The following VAT1L variants were observed in gnomAD, a reference collection of about 807,000 sequenced individuals.
VAT1L encodes the protein vesicle amine transport 1 like, also known as putative NADPH-dependent quinone oxidoreductase VAT1L.
VAT1L carries 34 observed loss-of-function variants against 44.1 expected under a neutral mutation model. That is an observed-to-expected ratio of 0.77 (90% CI 0.59 to 1.03). The LOEUF (loss-of-function observed/expected upper bound fraction) is 1.03, where lower values mean the gene tolerates loss of function less well. Ranked by LOEUF, VAT1L falls within the 50% of genes least tolerant of loss-of-function variation. VAT1L has a pLI of 0.00. For synonymous variants in VAT1L, 253 were observed against 202.2 expected (o/e 1.25, Z -2.13); for missense variants, 615 against 538.8 (o/e 1.14, Z -1.40).
chr16:77,826,300 ATC>A (rs1472271641), intron 3 of VAT1L, among the ~76,000 whole-genome samples: 37 of 152,284 alleles, frequency 2.4e-4, no homozygotes, highest in Admixed American at 2.4e-3. Context: ...CTCACAAGTC[ATC>A]TACTACTGCT....
chr16:77,795,813 CTTT>C (rs56725954), intron 1 of VAT1L, among the ~76,000 whole-genome samples: 142 of 100,574 alleles, frequency 1.4e-3, no homozygotes, highest in African/African-American at 5.2e-3. Context: ...CCTTTTTTCT[CTTT>C]TTTTTTTTTT....
intron 7 of VAT1L, among the ~76,000 whole-genome samples, chr16:77,948,699 C>A (rs992915627): frequency 6.6e-6 from 1 of 152,072 alleles, no homozygotes; most frequent in African/African-American, 2.4e-5. Flanking sequence ...TAAAGTAAAT[C>A]CCAGACATAA....
At chr16:77,874,453 C>T (rs532848132) in intron 4 of VAT1L, among the ~76,000 whole-genome samples, 18 of 122,634 alleles carry the variant, frequency 1.5e-4, no homozygotes, top group Admixed American at 1.2e-3. Context: ...CTCCCACCTG[C>T]CTCTCCAGCC....
intron 4 of VAT1L, among the ~76,000 whole-genome samples, chr16:77,870,375 G>C (rs1008060690): frequency 2.0e-5 from 3 of 152,240 alleles, no homozygotes; most frequent in Non-Finnish European, 2.9e-5. Flanking sequence ...AGAAAACAGA[G>C]TGGAGAGCCA....
At chr16:77,955,965 T>A (rs1054071947) in intron 7 of VAT1L, among the ~76,000 whole-genome samples, 1 of 152,156 alleles carries the variant, frequency 6.6e-6, no homozygotes, top group African/African-American at 2.4e-5. Context: ...TTTCTCTGTA[T>A]CCACTGTTTA....
intron 7 of VAT1L, among the ~76,000 whole-genome samples, chr16:77,896,889 G>A (rs987337100): frequency 1.3e-5 from 2 of 152,178 alleles, no homozygotes; most frequent in Non-Finnish European, 2.9e-5. Flanking sequence ...TTCCTTGTGA[G>A]CCAGGGACAG....
At chr16:77,813,000 T>G (rs969167329) in intron 1 of VAT1L, among the ~76,000 whole-genome samples, 1 of 152,106 alleles carries the variant, frequency 6.6e-6, no homozygotes, top group Non-Finnish European at 1.5e-5. Flanking sequence ...TCTGAAATGT[T>G]TAAGAGCTGT....
chr16:77,890,068 C>A (rs773480153), intron 7 of VAT1L, among the ~76,000 whole-genome samples: 1 of 152,116 alleles, frequency 6.6e-6, no homozygotes, highest in Non-Finnish European at 1.5e-5. Flanking sequence ...GCCTGGGCAA[C>A]AGAGCAAGAC....
At chr16:77,851,700 C>T (rs116732576) in intron 3 of VAT1L, among the ~76,000 whole-genome samples, 2,484 of 152,024 alleles carry the variant, frequency 0.016, 67 homozygotes, top group African/African-American at 0.058. Flanking sequence ...TATAATCTAC[C>T]GAGCATCCAC....
At chr16:77,845,961 T>A (rs963197428) in intron 3 of VAT1L, among the ~76,000 whole-genome samples, 1 of 152,196 alleles carries the variant, frequency 6.6e-6, no homozygotes, top group Non-Finnish European at 1.5e-5. Flanking sequence ...CAGGCACTAA[T>A]GTGTGCAATT....
At chr16:77,830,182 G>A (rs1238655837) in intron 3 of VAT1L, among the ~76,000 whole-genome samples, 1 of 152,052 alleles carries the variant, frequency 6.6e-6, no homozygotes, top group Non-Finnish European at 1.5e-5. Flanking sequence ...TTTATCTTAT[G>A]GTGTACTCCT....
chr16:77,879,257 T>G lies in VAT1L; in HGVS notation c.882+33T>G. The G allele has an allele frequency of 1.2e-6, 2 of 1,605,894 alleles. No individual in the cohort carries two copies. Among genetic ancestry groups the G allele is most frequent in the African/African-American group, 1.3e-5 (1 of 74,828 alleles). On this transcript the variant is annotated intron_variant, in intron 6 of 8. Coordinates refer to ENST00000302536, the MANE Select transcript of VAT1L (RefSeq NM_020927.3). The surrounding 1 kb of genome is among the most constrained non-coding windows in gnomAD (Gnocchi z 4.1). ...TCCAGGCACATCTGATGTACTGTGG[T>G]GGCATGTTGATTCACATGTTGAGAG... is the stretch of plus-strand genomic sequence containing the variant.
At chr16:77,952,493 T>C (rs1360948444) in intron 7 of VAT1L, among the ~76,000 whole-genome samples, 2 of 151,832 alleles carry the variant, frequency 1.3e-5, no homozygotes, top group Non-Finnish European at 2.9e-5. Flanking sequence ...GCTTTTGCCA[T>C]GTGACATGCC....
chr16:77,845,300 CGCAT>C (rs2016747372), intron 3 of VAT1L, among the ~76,000 whole-genome samples: 1 of 152,136 alleles, frequency 6.6e-6, no homozygotes, highest in Non-Finnish European at 1.5e-5. Context: ...ATGCCACAGG[CGCAT>C]CCCTCAGCAG....
chr16:77,822,350 G>A lies in VAT1L; in HGVS notation c.364-2896G>A, dbSNP rs544437434. Among the ~76,000 whole-genome samples, 5 of 152,022 alleles carry A rather than the reference G, an allele frequency of 3.3e-5. No individual in the cohort carries two copies. In the East Asian group the frequency reaches 7.8e-4, roughly 24 times the overall value. ...GGTTTCTCCATACTGATCAGGCTGG[G>A]CTTGAACTCCCGAGACCTCAGCCTC... On this transcript the variant is annotated intron_variant, in intron 2 of 8. Coordinates refer to ENST00000302536, the MANE Select transcript of VAT1L (RefSeq NM_020927.3).
chr16:77,951,923 T>C lies in VAT1L; in HGVS notation c.1078-19927T>C, dbSNP rs369572747. Among the ~76,000 whole-genome samples, 5 of 152,100 alleles carry C rather than the reference T, an allele frequency of 3.3e-5. No homozygotes were observed. The East Asian group carries it at 5.8e-4, about 18-fold the overall frequency. On this transcript the variant is annotated intron_variant, in intron 7 of 8. Coordinates refer to ENST00000302536, the MANE Select transcript of VAT1L (RefSeq NM_020927.3). ...AACAGGGCAGAGAGATTGAACTCAA[T>C]TCCTTTGAAACAAAAGGTAGAGAAT... is the stretch of plus-strand genomic sequence containing the variant.
intron 3 of VAT1L, among the ~76,000 whole-genome samples, chr16:77,861,406 T>C (rs754720313): frequency 3.9e-5 from 6 of 152,190 alleles, no homozygotes; most frequent in Admixed American, 6.5e-5. Flanking sequence ...AAAAACGATA[T>C]GGAAAAATAA....
chr16:77,901,345 T>C (rs1043570645), intron 7 of VAT1L, among the ~76,000 whole-genome samples: 3 of 151,792 alleles, frequency 2.0e-5, no homozygotes, highest in Admixed American at 1.3e-4. Context: ...TTGTATTTTT[T>C]AGTAGAGATG....
intron 3 of VAT1L, among the ~76,000 whole-genome samples, chr16:77,851,262 A>G (rs2016805863): frequency 6.6e-6 from 1 of 152,196 alleles, no homozygotes; most frequent in Admixed American, 6.5e-5. Flanking sequence ...GCCACTGACA[A>G]TCAGAAATCC....
Sources: allele counts gnomAD v4.1 joint callset (sites outside exome capture counted in the v4.1 genomes callset), GRCh38; gene constraint gnomAD v4.1.1; non-coding constraint Gnocchi (gnomAD v3.1); transcripts MANE v1.5; gene names NCBI Gene and HGNC (gene_info 2026-07-23, HGNC 2026-07-21).